The following SEMA5B variants were observed in gnomAD, a reference collection of about 807,000 sequenced individuals.
SEMA5B encodes the protein semaphorin 5B, also known as semaphorin-5B.
A neutral mutation model predicts 135.0 loss-of-function variants in SEMA5B; 66 were observed. That is an observed-to-expected ratio of 0.49 (90% CI 0.40 to 0.60). The LOEUF is 0.60. Among genes scored for constraint, SEMA5B ranks in the 20% least tolerant of loss-of-function variants. SEMA5B has a pLI of 0.00. For synonymous variants in SEMA5B, 690 were observed against 639.5 expected, an observed-to-expected ratio of 1.08 and a Z score of -1.19; for missense variants, 1,501 against 1,566.3, an observed-to-expected ratio of 0.96 and a Z score of 0.70.
intron 5 of SEMA5B, among the ~76,000 whole-genome samples, chr3:122,931,673 T>C (rs1298511174): frequency 6.6e-6 from 1 of 152,240 alleles, no homozygotes; most frequent in Non-Finnish European, 1.5e-5. Flanking sequence ...TTTTGCTGTT[T>C]GTCTGTTTAG....
At chr3:122,963,996 C>T (rs1055041581) in intron 1 of SEMA5B, among the ~76,000 whole-genome samples, 2 of 152,168 alleles carry the variant, frequency 1.3e-5, no homozygotes, top group African/African-American at 4.8e-5. Context: ...TCCACCCCTG[C>T]CCCACTAGCT....
intron 12 of SEMA5B, among the ~76,000 whole-genome samples, chr3:122,918,760 C>T (rs76949786): frequency 0.042 from 6,328 of 152,240 alleles, 152 homozygotes; most frequent in Middle Eastern, 0.088. Context: ...GGCCAGTGCC[C>T]GAGCTCTCTT....
chr3:122,910,269 G>A lies in SEMA5B; in HGVS notation c.3330C>T (p.Asp1110=). 1.2e-6 allele frequency: 2 copies of A among 1,614,222 alleles called. No individual in the cohort carries two copies. Among genetic ancestry groups the A allele is most frequent in the East Asian group, 2.2e-5 (1 of 44,884 alleles). Residue 1110 remains aspartate, a synonymous_variant, in exon 23 of 23, where the codon GAC becomes GAT. Transcript: ENST00000357599. ...TLNKNNLIPD[D]RANFYPLQQT... is the part of the protein sequence containing the mutation. ...GCTGCAATGGGTAGAAGTTGGCTCT[G>A]TCATCAGGGATCAAGTTATTCTTGT...
chr3:122,939,912 C>G (rs945550838), intron 4 of SEMA5B, among the ~76,000 whole-genome samples: 13 of 152,212 alleles, frequency 8.5e-5, no homozygotes, highest in African/African-American at 3.1e-4. Flanking sequence ...TGGCCCTCCA[C>G]CCTGACTCAC....
At chr3:122,985,429 A>G (rs1941668084) in intron 1 of SEMA5B, among the ~76,000 whole-genome samples, 2 of 152,150 alleles carry the variant, frequency 1.3e-5, no homozygotes, top group Non-Finnish European at 2.9e-5. Flanking sequence ...CCTTGAGCCC[A>G]GGAGTTGGAG....
At chr3:122,919,525 C>T (rs1343528186) in intron 12 of SEMA5B, among the ~76,000 whole-genome samples, 1 of 152,114 alleles carries the variant, frequency 6.6e-6, no homozygotes, top group Non-Finnish European at 1.5e-5. Context: ...CCTCTGCTTA[C>T]CCACCCTCAT....
intron 1 of SEMA5B, among the ~76,000 whole-genome samples, chr3:123,015,660 G>A (rs1160985723): frequency 6.6e-6 from 1 of 152,170 alleles, no homozygotes; most frequent in Non-Finnish European, 1.5e-5. Context: ...AACCCACAGG[G>A]AGAGAAACAG....
chr3:122,912,111 CCCTGGTGGGGATCAGAGGGCT>C lies in SEMA5B; in HGVS notation c.2896+40_2897-43del, dbSNP rs770933937. 4 of 1,592,458 alleles carry C rather than the reference CCCTGGTGGGGATCAGAGGGCT, an allele frequency of 2.5e-6. 1 individual carries two copies. Among genetic ancestry groups the C allele is most frequent in the South Asian group, 2.2e-5 (2 of 89,306 alleles). On this transcript the variant is annotated intron_variant, in intron 19 of 22. Coordinates refer to ENST00000357599, the MANE Select transcript of SEMA5B (RefSeq NM_001031702.4). ...GGATGAGGTTAACTGCCCAGGGACCCCCTGGTGGGGATCAGAGGGCTCCATGTCGCTTCCCAGCCCTGGCGG... is the reference window on the plus strand; with the variant it reads ...GGATGAGGTTAACTGCCCAGGGACCCCCATGTCGCTTCCCAGCCCTGGCGG...
chr3:122,979,918 A>C (rs1220711944), intron 1 of SEMA5B, among the ~76,000 whole-genome samples: 2 of 152,180 alleles, frequency 1.3e-5, no homozygotes, highest in Admixed American at 6.5e-5. Flanking sequence ...TTTTCCCCTA[A>C]ATGTGTGTCC....
chr3:122,961,531 C>T (rs559921363), intron 1 of SEMA5B, among the ~76,000 whole-genome samples: 1 of 151,994 alleles, frequency 6.6e-6, no homozygotes, highest in South Asian at 2.1e-4. Context: ...ATGATCACAG[C>T]TCATTGCAGT....
chr3:122,945,963 G>A (rs1328502005), intron 3 of SEMA5B, among the ~76,000 whole-genome samples: 1 of 151,892 alleles, frequency 6.6e-6, no homozygotes, highest in South Asian at 2.1e-4. Flanking sequence ...GGGGATCCTA[G>A]GGGGGCCTTG....
intron 6 of SEMA5B, 27 bp downstream of exon 6, chr3:122,928,969 G>A (rs765656571): frequency 1.1e-5 from 18 of 1,608,996 alleles, no homozygotes; most frequent in Non-Finnish European, 1.4e-5. Flanking sequence ...CTCCAGGTGG[G>A]GCCCCTGGAC....
upstream of SEMA5B, chr3:123,028,479 C>A (rs1005989688): frequency 6.6e-6 from 1 of 152,096 alleles, no homozygotes; most frequent in African/African-American, 2.4e-5. Context: ...GTAGGGGATA[C>A]GGGGAGTAAA....
chr3:122,974,181 G>A (rs889670400), intron 1 of SEMA5B, among the ~76,000 whole-genome samples: 1 of 152,202 alleles, frequency 6.6e-6, no homozygotes, highest in Admixed American at 6.5e-5. Context: ...ATGTAGAGTG[G>A]AGGCTGGGAG....
chr3:122,957,631 G>C lies in SEMA5B; in HGVS notation c.124+3509C>G, dbSNP rs1311915762. Reference sequence around the variant, plus strand: ...CCTGGAGCATATTGACAGCATGCTAGGCACTGTGCTAAGTAAGCTCTTTCC... The same window carrying C: ...CCTGGAGCATATTGACAGCATGCTACGCACTGTGCTAAGTAAGCTCTTTCC... On this transcript the variant is annotated intron_variant, in intron 2 of 22. Coordinates refer to ENST00000357599, the MANE Select transcript of SEMA5B (RefSeq NM_001031702.4). Among the ~76,000 whole-genome samples the C allele has an allele frequency of 5.3e-5, 8 of 152,344 alleles. No individual in the cohort carries two copies. The South Asian group carries it at 1.4e-3, about 28-fold the overall frequency.
rs143992371 is a variant in SEMA5B, at chr3:122,927,769, CT to C, written c.850+20del. On this transcript the variant is annotated intron_variant, in intron 8 of 22. Transcript: ENST00000357599. ...CTCAAAACCAGGGGAGTCCCCACCC[CT>C]GGCACTGGGGCCTCCTTACCATTAA... is the stretch of plus-strand genomic sequence containing the variant. 6,471 of 1,401,954 alleles carry C rather than the reference CT, an allele frequency of 4.6e-3. 236 individuals are homozygous for C. In the African/African-American group the frequency reaches 0.083, roughly 18 times the overall value. The allele number at this position is 1,401,954 out of a possible 1,614,324, so 86.8% of individuals were successfully genotyped here. A position where few individuals can be genotyped will look rare whatever the true frequency, so the allele number is the denominator to read the frequency against.
chr3:123,007,642 G>A (rs1942344968), intron 1 of SEMA5B, among the ~76,000 whole-genome samples: 1 of 152,144 alleles, frequency 6.6e-6, no homozygotes, highest in South Asian at 2.1e-4. Context: ...AGACTTAAGT[G>A]AGCACATTTG....
At chr3:122,969,712 T>C (rs768126377) in intron 1 of SEMA5B, among the ~76,000 whole-genome samples, 2 of 152,196 alleles carry the variant, frequency 1.3e-5, no homozygotes, top group African/African-American at 4.8e-5. Flanking sequence ...CACTGGCCCC[T>C]TCTGCTTTCC....
Position 122,913,311 on chromosome 3 carries a change from G to C in SEMA5B, c.2394C>G (p.Phe798Leu). The C allele has an allele frequency of 6.4e-7, 1 of 1,573,510 alleles. No homozygotes were observed. Among genetic ancestry groups the C allele is most frequent in the Non-Finnish European group, 8.6e-7 (1 of 1,168,550 alleles). ...CAAGGGGCGCGCGGCAGGTGAAGCG[G>C]AACCGCTGCTCCTGCCGTGCCCCGC... The part of the protein sequence containing the change: ...TQGGARQEQR[F>L]RFTCRAPLAD... Residue 798 changes from phenylalanine to leucine, a missense_variant, in exon 17 of 23, where the codon TTC becomes TTG. Coordinates refer to ENST00000357599, the MANE Select transcript of SEMA5B (RefSeq NM_001031702.4).
Sources: allele counts gnomAD v4.1 joint callset (sites outside exome capture counted in the v4.1 genomes callset), GRCh38; gene constraint gnomAD v4.1.1; transcripts MANE v1.5; gene names NCBI Gene and HGNC (gene_info 2026-07-23, HGNC 2026-07-21).